DPP4: variants seen among roughly 807,000 people sequenced by gnomAD.
DPP4 encodes dipeptidyl peptidase 4.
A neutral mutation model predicts 122.4 loss-of-function variants in DPP4; 93 were observed. That is an observed-to-expected ratio of 0.76 (90% confidence interval 0.64 to 0.90). The LOEUF is 0.90. DPP4 is among the 40% of genes least tolerant of loss of function. DPP4 has a pLI of 0.00. For missense variants in DPP4, 914 were observed against 907.3 expected (o/e 1.01, Z -0.09); for synonymous variants, 321 against 302.9 (o/e 1.06, Z -0.62).
chr2:162,025,721 C>G (rs1683304429), intron 10 of DPP4, among the ~76,000 whole-genome samples: 1 of 152,158 alleles, frequency 6.6e-6, no homozygotes, highest in Admixed American at 6.6e-5. Flanking sequence ...CTTTTTCTCC[C>G]TCCTCCTCCC....
chr2:162,014,413 A>G lies in DPP4; in HGVS notation c.1620T>C (p.Tyr540=). 5 of 1,608,024 alleles carry G rather than the reference A, an allele frequency of 3.1e-6. No individual in the cohort carries two copies. Among genetic ancestry groups the G allele is most frequent in the Non-Finnish European group, 4.3e-6 (5 of 1,176,378 alleles). Residue 540 remains tyrosine, a synonymous_variant, in exon 19 of 26, where the codon TAT becomes TAC. Coordinates refer to ENST00000360534, the MANE Select transcript of DPP4 (RefSeq NM_001935.4). ...ATACTTACACATCTAATAGTAGAGG[A>G]TATTTCTTGGATTTATCAAAATGAG... ...LPPHFDKSKK[Y]PLLLDVYAGP...
intron 5 of DPP4, among the ~76,000 whole-genome samples, chr2:162,044,254 T>G (rs11900409): frequency 0.53 from 80,550 of 152,092 alleles, 23,775 homozygotes; most frequent in East Asian, 0.95. Flanking sequence ...TTACAGTTAA[T>G]TTTAACAGAA....
At chr2:162,041,060 A>G (rs1422327947) in intron 5 of DPP4, among the ~76,000 whole-genome samples, 4 of 133,514 alleles carry the variant, frequency 3.0e-5, no homozygotes, top group East Asian at 3.4e-4. Context: ...AAACATCCCT[A>G]TATATTTTCA....
At position 162,001,090 on chromosome 2, in the gene DPP4, C is replaced by G. The variant is rs185188102; in HGVS notation, c.2052+4655G>C. ...CCTCCCCATCTTCCGAAATCTTTCT[C>G]TAATGATTCAGATAAGTGCCCTCTC... On this transcript the variant is annotated intron_variant, in intron 23 of 25. Transcript: ENST00000360534. 5.9e-5 allele frequency among the ~76,000 whole-genome samples: 9 copies of G among 152,282 alleles called. No homozygotes were observed. In the East Asian group the frequency reaches 1.7e-3, roughly 29 times the overall value.
At chr2:162,065,042 A>G (rs1243386480) in intron 2 of DPP4, among the ~76,000 whole-genome samples, 1 of 152,256 alleles carries the variant, frequency 6.6e-6, no homozygotes, top group African/African-American at 2.4e-5. Context: ...TTTCAATTCA[A>G]CTTAGGTATT....
At chr2:162,026,646 C>T (rs975565162) in intron 10 of DPP4, among the ~76,000 whole-genome samples, 9 of 152,170 alleles carry the variant, frequency 5.9e-5, no homozygotes, top group South Asian at 2.1e-4. Flanking sequence ...CATCACAAAC[C>T]GCCAGGCTGC....
At chr2:162,049,371 G>A (rs1159516101) in intron 2 of DPP4, among the ~76,000 whole-genome samples, 2 of 152,014 alleles carry the variant, frequency 1.3e-5, no homozygotes, top group Non-Finnish European at 2.9e-5. Context: ...GCAAAGTAAT[G>A]CAGGAACAGA....
rs1244029126 is a variant in DPP4 at position 162,004,939 on chromosome 2, G to C, written c.2052+806C>G. Among the ~76,000 whole-genome samples the C allele has an allele frequency of 2.0e-5, 3 of 152,180 alleles. No homozygotes were observed. The South Asian group carries it at 6.2e-4, about 32-fold the overall frequency. On this transcript the variant is annotated intron_variant, in intron 23 of 25. Transcript: ENST00000360534. Reference sequence around the variant, plus strand: ...TCATAAATGATTTACCTTGTCAGCTGTAAGTTTCAGGGTTTTAAAAAAATT... The same window carrying C: ...TCATAAATGATTTACCTTGTCAGCTCTAAGTTTCAGGGTTTTAAAAAAATT...
intron 2 of DPP4, among the ~76,000 whole-genome samples, chr2:162,065,755 C>A (rs899936427): frequency 1.3e-5 from 2 of 152,114 alleles, no homozygotes; most frequent in East Asian, 1.9e-4. Context: ...CTTCCTGGGG[C>A]AGCATTTATC....
At chr2:162,028,659 G>A (rs183477458) in intron 10 of DPP4, among the ~76,000 whole-genome samples, 11 of 152,250 alleles carry the variant, frequency 7.2e-5, no homozygotes, top group Admixed American at 1.3e-4. Flanking sequence ...TTAGTCCAAC[G>A]GGAATATGGT....
chr2:162,026,851 T>C (rs75117684), intron 10 of DPP4, among the ~76,000 whole-genome samples: 1,634 of 152,250 alleles, frequency 0.011, 18 homozygotes, highest in East Asian at 0.046. Context: ...AAATGAAGCT[T>C]TCTGAAATTA....
chr2:162,006,922 T>C (rs1326144682), intron 22 of DPP4, among the ~76,000 whole-genome samples: 4 of 152,228 alleles, frequency 2.6e-5, no homozygotes, highest in Admixed American at 1.3e-4. Context: ...ATTTTAAAAA[T>C]GGATATATTA....
intron 2 of DPP4, among the ~76,000 whole-genome samples, chr2:162,050,493 A>G (rs1262323635): frequency 6.6e-6 from 1 of 152,144 alleles, no homozygotes; most frequent in Non-Finnish European, 1.5e-5. Flanking sequence ...CATTTCCCAG[A>G]TATCAACTCT....
intron 23 of DPP4, 57 bp from the exon 24 acceptor site, chr2:161,995,429 T>C: frequency 6.7e-7 from 1 of 1,494,476 alleles, no homozygotes; most frequent in South Asian, 1.1e-5. Context: ...TAAACTGATT[T>C]TTCACTTCAG....
chr2:162,035,274 A>C lies in DPP4; in HGVS notation c.664T>G (p.Phe222Val). ...TCGTTAAATTGGGCATATGCTAAAAAAGTGCCGTTTGGAGACCACCACAGA... is the reference window on the plus strand; with the variant it reads ...TCGTTAAATTGGGCATATGCTAAAACAGTGCCGTTTGGAGACCACCACAGA... ...SALWWSPNGT[F>V]LAYAQFNDTE... Residue 222 changes from phenylalanine to valine, a missense_variant, in exon 9 of 26, where the codon TTT (phenylalanine) becomes GTT (valine). Phe to Val is a conservative substitution (Grantham distance 50). Coordinates refer to ENST00000360534, the MANE Select transcript of DPP4 (RefSeq NM_001935.4). 1 of 1,614,040 alleles carries C rather than the reference A, an allele frequency of 6.2e-7. No homozygotes were observed. The highest frequency in any genetic ancestry group is 8.5e-7 in the Non-Finnish European group (1 of 1,179,952).
At chr2:162,050,982 C>T (rs1300070400) in intron 2 of DPP4, among the ~76,000 whole-genome samples, 1 of 152,214 alleles carries the variant, frequency 6.6e-6, no homozygotes, top group Admixed American at 6.5e-5. Flanking sequence ...CAGTTCAAAG[C>T]ATTGTGCAGC....
At chr2:162,070,269 G>A (rs1192524995) in intron 2 of DPP4, among the ~76,000 whole-genome samples, 1 of 152,018 alleles carries the variant, frequency 6.6e-6, no homozygotes, top group Non-Finnish European at 1.5e-5. Flanking sequence ...ATGACTTCAA[G>A]GAGTTTTTAT....
intron 14 of DPP4, among the ~76,000 whole-genome samples, chr2:162,019,576 C>A (rs1163228159): frequency 6.6e-6 from 1 of 151,928 alleles, no homozygotes; most frequent in African/African-American, 2.4e-5. Flanking sequence ...TAGGACTAGG[C>A]AGCTAGCCTG....
intron 16 of DPP4, 116 bp from the exon 17 acceptor site, chr2:162,017,271 T>A: frequency 1.2e-6 from 1 of 819,644 alleles, no homozygotes; most frequent in Non-Finnish European, 1.9e-6. Context: ...AATATATAAA[T>A]ATTATAATGC....
Sources: allele counts gnomAD v4.1 joint callset (sites outside exome capture counted in the v4.1 genomes callset), GRCh38; gene constraint gnomAD v4.1.1; transcripts MANE v1.5; gene names NCBI Gene and HGNC (gene_info 2026-07-23, HGNC 2026-07-21).